The following PDE8B variants were observed in gnomAD, a reference collection of about 807,000 sequenced individuals.
PDE8B encodes the protein high affinity cAMP-specific and IBMX-insensitive 3',5'-cyclic phosphodiesterase 8B.
PDE8B carries 26 observed loss-of-function variants against 101.3 expected under a neutral mutation model. The observed-to-expected ratio is 0.26, with a 90% CI of 0.19 to 0.36. PDE8B has a LOEUF of 0.36. Among genes scored for constraint, PDE8B ranks in the 10% least tolerant of loss-of-function variants. The pLI is 1.00. For missense variants in PDE8B, 810 were observed against 1,163.1 expected (o/e 0.70, Z 4.42); for synonymous variants, 424 against 429.3 (o/e 0.99, Z 0.15).
At chr5:77,178,228 C>T in the PDE8B span, among the ~76,000 whole-genome samples, 3 of 152,258 alleles carry the variant, frequency 2.0e-5, no homozygotes, top group Middle Eastern at 3.4e-3. Flanking sequence ...TCCTCATCAT[C>T]TCTTTGTTGT....
chr5:77,161,918 CTTTT>C, the PDE8B span, among the ~76,000 whole-genome samples: 1 of 149,650 alleles, frequency 6.7e-6, no homozygotes, highest in African/African-American at 2.4e-5. Flanking sequence ...TATAGATCTT[CTTTT>C]GTTAGGTATC....
At chr5:77,270,501 C>T (rs749478248) in intron 1 of PDE8B, among the ~76,000 whole-genome samples, 4 of 152,122 alleles carry the variant, frequency 2.6e-5, no homozygotes, top group African/African-American at 7.2e-5. Context: ...TCCCTCTTAC[C>T]GTTCACTTCT....
chr5:77,201,342 A>G, the PDE8B span, among the ~76,000 whole-genome samples: 1 of 152,320 alleles, frequency 6.6e-6, no homozygotes, highest in South Asian at 2.1e-4. Context: ...TCCTCCTCAT[A>G]AAGGCTCATT....
the PDE8B span, among the ~76,000 whole-genome samples, chr5:77,090,690 C>G: frequency 6.6e-6 from 1 of 152,184 alleles, no homozygotes; most frequent in Non-Finnish European, 1.5e-5. Context: ...ATACTCTTCT[C>G]TAAGACATCC....
chr5:77,259,785 T>C (rs1278366593), intron 1 of PDE8B, among the ~76,000 whole-genome samples: 1 of 152,240 alleles, frequency 6.6e-6, no homozygotes, highest in Non-Finnish European at 1.5e-5. Context: ...TCTTTCTAGA[T>C]GAGTCTCTAT....
chr5:77,418,206 A>C (rs377443047), intron 17 of PDE8B, 23 bp from the exon 18 acceptor site: 2 of 1,501,996 alleles, frequency 1.3e-6, no homozygotes, highest in East Asian at 4.5e-5. Flanking sequence ...GGTAATGCTC[A>C]ACCTTGCCTC....
intron 1 of PDE8B, among the ~76,000 whole-genome samples, chr5:77,242,406 T>G (rs1264777298): frequency 6.6e-6 from 1 of 152,194 alleles, no homozygotes; most frequent in East Asian, 1.9e-4. Flanking sequence ...AAAGTATGTT[T>G]CAAAGGACAA....
chr5:77,308,827 A>G (rs1290439415), intron 1 of PDE8B, among the ~76,000 whole-genome samples: 3 of 152,124 alleles, frequency 2.0e-5, no homozygotes, highest in African/African-American at 7.2e-5. Flanking sequence ...CTTCCCCGCC[A>G]GCCCACCATG....
At chr5:77,197,168 A>C in the PDE8B span, among the ~76,000 whole-genome samples, 1 of 140,882 alleles carries the variant, frequency 7.1e-6, no homozygotes, top group Non-Finnish European at 1.5e-5. Flanking sequence ...GCTGGAGGGC[A>C]GTGGCATGAT....
chr5:77,179,972 A>G, the PDE8B span, among the ~76,000 whole-genome samples: 1 of 152,174 alleles, frequency 6.6e-6, no homozygotes, highest in South Asian at 2.1e-4. Context: ...TCTCTTTAAA[A>G]TTATAGTGTA....
the PDE8B span, among the ~76,000 whole-genome samples, chr5:77,171,067 G>T: frequency 6.6e-6 from 1 of 152,180 alleles, no homozygotes; most frequent in Non-Finnish European, 1.5e-5. Flanking sequence ...CAAAGAAAAT[G>T]CTCCAAGTAT....
At chr5:77,253,048 AAGC>A (rs113509863) in intron 1 of PDE8B, among the ~76,000 whole-genome samples, 9,702 of 152,242 alleles carry the variant, frequency 0.064, 356 homozygotes, top group African/African-American at 0.083. Context: ...GCTCAAGAAA[AAGC>A]AGCAAGAAAA....
At chr5:77,144,004 T>C in the PDE8B span, 1 of 152,078 alleles carries the variant, frequency 6.6e-6, no homozygotes, top group Non-Finnish European at 1.5e-5. Context: ...CCTGGCTACA[T>C]GGAGGGTAAA....
intron 1 of PDE8B, among the ~76,000 whole-genome samples, chr5:77,253,136 G>A (rs1014223822): frequency 6.6e-6 from 1 of 152,120 alleles, no homozygotes; most frequent in African/African-American, 2.4e-5. Context: ...GTAATATCAG[G>A]TGTTCCTCTG....
chr5:77,146,956 T>A, the PDE8B span: 1 of 452,908 alleles, frequency 2.2e-6, no homozygotes, highest in Non-Finnish European at 4.3e-6. Context: ...GTAAAGAAAT[T>A]GGAAGAGATG....
At chr5:77,266,327 G>T (rs1468659265) in intron 1 of PDE8B, among the ~76,000 whole-genome samples, 1 of 152,208 alleles carries the variant, frequency 6.6e-6, no homozygotes, top group Admixed American at 6.5e-5. Flanking sequence ...CTATAAATGT[G>T]TCCTTTTCTC....
chr5:77,234,015 G>A (rs1024715864), intron 1 of PDE8B, among the ~76,000 whole-genome samples: 1 of 152,070 alleles, frequency 6.6e-6, no homozygotes, highest in Non-Finnish European at 1.5e-5. Flanking sequence ...GGCGCCTAGA[G>A]GTAACTTTAA....
chr5:77,222,551 G>A, intron 1 of PDE8B, among the ~76,000 whole-genome samples: 1 of 152,156 alleles, frequency 6.6e-6, no homozygotes, highest in East Asian at 1.9e-4. Context: ...GAATCTGGGA[G>A]GCAGCCTGGG....
chr5:77,410,898 T>C (rs1010930635), intron 14 of PDE8B: 2 of 152,206 alleles, frequency 1.3e-5, no homozygotes, highest in Non-Finnish European at 2.9e-5. Context: ...CGTGCAGGTT[T>C]GTTACATATG....
Sources: allele counts gnomAD v4.1 joint callset (sites outside exome capture counted in the v4.1 genomes callset), GRCh38; gene constraint gnomAD v4.1.1; transcripts MANE v1.5; gene names NCBI Gene and HGNC (gene_info 2026-07-23, HGNC 2026-07-21).